TLE4: variants seen among roughly 807,000 people sequenced by gnomAD.
TLE4 encodes the protein TLE family member 4, transcriptional corepressor.
Under a neutral mutation model 92.8 loss-of-function variants are expected in TLE4, and 8 were observed. That is an observed-to-expected ratio of 0.09 (90% CI 0.05 to 0.16). TLE4 has a LOEUF of 0.16. Among genes scored for constraint, TLE4 ranks in the 10% least tolerant of loss-of-function variants. The pLI is 1.00. For missense variants in TLE4, 675 were observed against 997.6 expected, an observed-to-expected ratio of 0.68 and a Z score of 4.36; for synonymous variants, 371 against 374.1, an observed-to-expected ratio of 0.99 and a Z score of 0.10.
At chr9:79,580,079 G>C (rs2039189389) in intron 4 of TLE4, 1 of 152,210 alleles carries the variant, frequency 6.6e-6, no homozygotes. Flanking sequence ...TTGTTAAGAA[G>C]AAATTGACTT....
intron 11 of TLE4, chr9:79,707,338 G>A: frequency 1.2e-6 from 1 of 826,290 alleles, no homozygotes; most frequent in Non-Finnish European, 2.0e-6. Context: ...ATTTACAAAA[G>A]TCTATCTTGA....
chr9:79,580,453 A>G (rs1041190365), intron 4 of TLE4: 7 of 152,210 alleles, frequency 4.6e-5, no homozygotes, highest in African/African-American at 1.7e-4. Flanking sequence ...TTGAAGTAAT[A>G]CATGACTGGC....
intron 8 of TLE4, among the ~76,000 whole-genome samples, chr9:79,695,865 A>T (rs1011187143): frequency 6.6e-6 from 1 of 152,226 alleles, no homozygotes; most frequent in Admixed American, 6.5e-5. Flanking sequence ...GCTCTGAAGG[A>T]TGAAAACGTT....
At chr9:79,717,315 G>C (rs2074701016) in intron 14 of TLE4, among the ~76,000 whole-genome samples, 1 of 152,072 alleles carries the variant, frequency 6.6e-6, no homozygotes. Context: ...CAGGTTCTTA[G>C]CCCTAGGGTC....
intron 4 of TLE4, among the ~76,000 whole-genome samples, chr9:79,602,316 T>G (rs1056075997): frequency 6.6e-6 from 1 of 152,202 alleles, no homozygotes; most frequent in Non-Finnish European, 1.5e-5. Flanking sequence ...AAGACAGCCT[T>G]CTATTGGAAG....
chr9:79,620,073 G>A (rs929113158), intron 5 of TLE4, among the ~76,000 whole-genome samples: 1 of 152,140 alleles, frequency 6.6e-6, no homozygotes, highest in African/African-American at 2.4e-5. Context: ...GTTTAAATGT[G>A]GGTCTCTATC....
At chr9:79,581,755 A>G (rs1021638760) in intron 4 of TLE4, among the ~76,000 whole-genome samples, 8 of 152,304 alleles carry the variant, frequency 5.3e-5, no homozygotes, top group Non-Finnish European at 7.3e-5. Context: ...TGGGTTTGCT[A>G]TGGGTTAGAG....
intron 6 of TLE4, among the ~76,000 whole-genome samples, chr9:79,643,541 C>T (rs2057558529): frequency 6.6e-6 from 1 of 152,156 alleles, no homozygotes; most frequent in African/African-American, 2.4e-5. Context: ...AAGCATTTTG[C>T]TTTTTAAGAT....
intron 5 of TLE4, among the ~76,000 whole-genome samples, chr9:79,624,177 G>GAAA (rs5898638): frequency 1.8e-4 from 24 of 132,786 alleles, no homozygotes; most frequent in African/African-American, 5.9e-4. Context: ...CCCGAAAATG[G>GAAA]AAAAAAAAAA....
intron 8 of TLE4, among the ~76,000 whole-genome samples, chr9:79,656,062 A>G (rs1439095640): frequency 2.6e-5 from 4 of 152,226 alleles, no homozygotes; most frequent in African/African-American, 9.6e-5. Flanking sequence ...ATGGGATGGC[A>G]TCTATAAATA....
At chr9:79,676,368 T>C (rs570865699) in intron 8 of TLE4, among the ~76,000 whole-genome samples, 62 of 152,296 alleles carry the variant, frequency 4.1e-4, no homozygotes, top group Non-Finnish European at 8.7e-4. Flanking sequence ...CAATTTGGTA[T>C]TCTTAAAGTA....
chr9:79,706,037 T>A, intron 10 of TLE4, 95 bp downstream of exon 10: 1 of 1,227,228 alleles, frequency 8.1e-7, no homozygotes, highest in Non-Finnish European at 1.2e-6. Context: ...TTGAGGTTTG[T>A]CGTTTTGTTA....
rs779131999 is a variant in TLE4 at position 79,639,328 on chromosome 9, C to T, written c.390+11880C>T. Among the ~76,000 whole-genome samples the T allele has an allele frequency of 3.3e-5, 5 of 152,284 alleles. No homozygotes were observed. In the East Asian group the frequency reaches 9.7e-4, roughly 29 times the overall value. On this transcript the variant is annotated intron_variant, in intron 6 of 19. Transcript: ENST00000376552. The stretch of plus-strand genomic sequence containing the variant: ...CTATCTTAACTCAAATATATAGTTA[C>T]ATGCCATATAATAATGTTTCAGTCA...
In TLE4 at chr9:79,709,586, G is replaced by A. The variant is rs757876183; in HGVS notation, c.1264-37G>A. ...AGGATAAAACAAGTCAAATGTAACT[G>A]TGCTTATTTCTGTTGTTTGCTTGGG... On this transcript the variant is annotated intron_variant, in intron 13 of 19. Transcript: ENST00000376552. The A allele has an allele frequency of 6.3e-6, 10 of 1,583,416 alleles. No homozygotes were observed. The African/African-American group carries it at 1.1e-4, about 17-fold the overall frequency.
chr9:79,668,377 G>A (rs1415983510), intron 8 of TLE4, among the ~76,000 whole-genome samples: 5 of 152,234 alleles, frequency 3.3e-5, no homozygotes, highest in Non-Finnish European at 7.3e-5. Flanking sequence ...TTTTCTTTCT[G>A]ACTGAAGTGG....
Position 79,654,088 on chromosome 9 carries a change from A to T in TLE4, c.609+13A>T. 2 of 1,612,766 alleles carry T rather than the reference A, an allele frequency of 1.2e-6. No individual in the cohort carries two copies. The highest frequency in any genetic ancestry group is 1.7e-6 in the Non-Finnish European group (2 of 1,178,944). On this transcript the variant is annotated intron_variant, in intron 8 of 19. Coordinates refer to ENST00000376552, the MANE Select transcript of TLE4 (RefSeq NM_007005.6). ...AGACTCCATCAAGGTAGGACTCAAA[A>T]TTTACAGACTAAGGAATGGCTTAAA...
chr9:79,608,834 G>A (rs183523100), intron 4 of TLE4, among the ~76,000 whole-genome samples: 12 of 152,004 alleles, frequency 7.9e-5, no homozygotes, highest in Admixed American at 2.0e-4. Flanking sequence ...AAAGCTATTG[G>A]TACTTTCACC....
chr9:79,715,075 C>T (rs2074223227), intron 14 of TLE4, among the ~76,000 whole-genome samples: 1 of 152,164 alleles, frequency 6.6e-6, no homozygotes, highest in South Asian at 2.1e-4. Flanking sequence ...TGAAAGGACT[C>T]TTGCCAGGAA....
chr9:79,667,289 G>A (rs1478379334), intron 8 of TLE4, among the ~76,000 whole-genome samples: 1 of 152,206 alleles, frequency 6.6e-6, no homozygotes, highest in East Asian at 1.9e-4. Context: ...TGGTCTTACA[G>A]GGTGTTGCTC....
Sources: allele counts gnomAD v4.1 joint callset (sites outside exome capture counted in the v4.1 genomes callset), GRCh38; gene constraint gnomAD v4.1.1; transcripts MANE v1.5; gene names NCBI Gene and HGNC (gene_info 2026-07-23, HGNC 2026-07-21).